Variants in UMODL1 observed in about 807,000 individuals in gnomAD.
UMODL1 encodes the protein uromodulin-like 1.
In UMODL1, 128 loss-of-function variants were observed where a neutral mutation model predicts 136.3. That is an observed-to-expected ratio of 0.94 (90% confidence interval 0.81 to 1.09). The LOEUF is 1.09. Ranked by LOEUF, UMODL1 falls within the 50% of genes least tolerant of loss-of-function variation. The probability of loss-of-function intolerance (pLI) is 0.00; values close to 1 mark genes in which losing one functional copy is unlikely to be tolerated. For synonymous variants in UMODL1, 721 were observed against 720.0 expected, an observed-to-expected ratio of 1.00 and a Z score of -0.02; for missense variants, 1,766 against 1,725.6, an observed-to-expected ratio of 1.02 and a Z score of -0.41.
rs1282751337 is a variant in UMODL1, at chr21:42,126,456, C to A, written c.3259C>A (p.Leu1087Met). Residue 1087 changes from leucine (L) to methionine (M), a missense_variant, in exon 18 of 23, where the codon CTG (leucine) becomes ATG (methionine). Leu to Met is a conservative substitution (Grantham distance 15). Coordinates refer to ENST00000408910, the MANE Select transcript of UMODL1 (RefSeq NM_001004416.3). Reference protein sequence around the residue: ...SPIYCAFQNDLLTSSGFTLEW... With the variant: ...SPIYCAFQNDMLTSSGFTLEW... ...CATCTACTGCGCCTTCCAGAATGACCTGCTGACATCCTCCGGCTTCACCCT... is the reference window on the plus strand; with the variant it reads ...CATCTACTGCGCCTTCCAGAATGACATGCTGACATCCTCCGGCTTCACCCT... 2.5e-6 allele frequency: 4 copies of A among 1,614,142 alleles called. No homozygotes were observed. The highest frequency in any genetic ancestry group is 3.4e-6 in the Non-Finnish European group (4 of 1,180,054).
chr21:42,073,342 C>A (rs1476653802), intron 1 of UMODL1, among the ~76,000 whole-genome samples: 1 of 152,234 alleles, frequency 6.6e-6, no homozygotes, highest in Non-Finnish European at 1.5e-5. Context: ...AGCCAAGCTG[C>A]CCTGGTCCCG....
chr21:42,107,345 C>T lies in UMODL1; in HGVS notation c.1520-2217C>T, dbSNP rs190044155. 6.6e-5 allele frequency among the ~76,000 whole-genome samples: 10 copies of T among 152,332 alleles called. No homozygotes were observed. The East Asian group carries it at 1.2e-3, about 18-fold the overall frequency. ...TCTTCTGGGGCTCTGGAATCAACGC[C>T]GCTTTTCCTGGGGCCAGAGTAGGTG... is the stretch of plus-strand genomic sequence containing the variant. On this transcript the variant is annotated intron_variant, in intron 9 of 22. Transcript: ENST00000408910.
chr21:42,126,001 T>C (rs997395140), intron 17 of UMODL1, among the ~76,000 whole-genome samples: 1 of 152,194 alleles, frequency 6.6e-6, no homozygotes, highest in Non-Finnish European at 1.5e-5. Context: ...AAAAGGGAAT[T>C]TGTCTCTGAT....
intron 22 of UMODL1, among the ~76,000 whole-genome samples, chr21:42,137,965 G>A (rs1241449359): frequency 6.6e-6 from 1 of 152,066 alleles, no homozygotes; most frequent in African/African-American, 2.4e-5. Context: ...GCAACCAGGA[G>A]CAGGCAGAGA....
At chr21:42,065,756 T>A (rs2066178217) in intron 1 of UMODL1, among the ~76,000 whole-genome samples, 1 of 152,080 alleles carries the variant, frequency 6.6e-6, no homozygotes, top group Non-Finnish European at 1.5e-5. Flanking sequence ...AGGGCCTCGA[T>A]CTGCTGACCT....
chr21:42,126,955 C>G, intron 18 of UMODL1, 51 bp from the exon 19 acceptor site: 2 of 1,464,870 alleles, frequency 1.4e-6, no homozygotes, highest in Non-Finnish European at 1.9e-6. Flanking sequence ...GGAGGGGCCA[C>G]GATAATGCGC....
chr21:42,099,591 G>A lies in UMODL1; in HGVS notation c.1186+411G>A, dbSNP rs1325281872. On this transcript the variant is annotated intron_variant, in intron 7 of 22. Transcript: ENST00000408910. This position sits in a 1 kb window ranked among gnomAD's most constrained non-coding sequence, Gnocchi z 4.1. Reference sequence around the variant, plus strand: ...CTGAGGCCGTCTAAGTTCCCTCCCCGAGAGGGGAGCATCGCTGACGTTTTC... The same window carrying A: ...CTGAGGCCGTCTAAGTTCCCTCCCCAAGAGGGGAGCATCGCTGACGTTTTC... Among the ~76,000 whole-genome samples, 2 of 152,182 alleles carry A rather than the reference G, an allele frequency of 1.3e-5. No individual in the cohort carries two copies. The highest frequency in any genetic ancestry group is 6.5e-5 in the Admixed American group (1 of 15,284).
intron 9 of UMODL1, among the ~76,000 whole-genome samples, chr21:42,106,099 G>A (rs2066712590): frequency 1.3e-5 from 2 of 151,754 alleles, no homozygotes; most frequent in Non-Finnish European, 2.9e-5. Flanking sequence ...TGATGGTGAC[G>A]CCTCAGGCCG....
intron 22 of UMODL1, among the ~76,000 whole-genome samples, chr21:42,138,507 G>A (rs560004018): frequency 8.5e-5 from 13 of 152,202 alleles, no homozygotes; most frequent in African/African-American, 3.1e-4. Context: ...CAAGCATTAT[G>A]GAGGGCAGTA....
chr21:42,120,346 C>A (rs888462418), intron 15 of UMODL1, among the ~76,000 whole-genome samples: 4 of 152,220 alleles, frequency 2.6e-5, no homozygotes, highest in Non-Finnish European at 5.9e-5. Flanking sequence ...CGACTTTGTC[C>A]TAAGGAATTT....
intron 6 of UMODL1, among the ~76,000 whole-genome samples, chr21:42,097,607 C>T (rs1306155254): frequency 2.0e-5 from 3 of 152,110 alleles, no homozygotes; most frequent in African/African-American, 7.2e-5. Context: ...TATATCCTAC[C>T]AGTCCTTACA....
At chr21:42,101,297 G>C (rs146508674) in intron 7 of UMODL1, among the ~76,000 whole-genome samples, 20 of 152,144 alleles carry the variant, frequency 1.3e-4, no homozygotes, top group African/African-American at 4.8e-4. Flanking sequence ...GATACGTCGG[G>C]GCCTGAGAAT....
At chr21:42,092,644 T>C (rs544626701) in intron 6 of UMODL1, among the ~76,000 whole-genome samples, 2 of 152,378 alleles carry the variant, frequency 1.3e-5, no homozygotes, top group Admixed American at 6.5e-5. Flanking sequence ...AATCTCTTTA[T>C]ATCCAATTTG....
chr21:42,139,783 C>T (rs1314635307), intron 22 of UMODL1, among the ~76,000 whole-genome samples: 1 of 152,148 alleles, frequency 6.6e-6, no homozygotes, highest in Non-Finnish European at 1.5e-5. Context: ...GGTGACTGGT[C>T]TCTAGCACTG....
chr21:42,121,407 T>C (rs897626838), intron 16 of UMODL1, among the ~76,000 whole-genome samples, 183 bp downstream of exon 16: 1 of 152,114 alleles, frequency 6.6e-6, no homozygotes, highest in Non-Finnish European at 1.5e-5. Context: ...TACATGTGTG[T>C]ACGTGTGTGC....
At chr21:42,125,464 C>T (rs1339016526) in intron 17 of UMODL1, among the ~76,000 whole-genome samples, 1 of 152,202 alleles carries the variant, frequency 6.6e-6, no homozygotes, top group Non-Finnish European at 1.5e-5. Flanking sequence ...GGGGGCTCTT[C>T]AGATCCTCCC....
chr21:42,070,483 C>T (rs1357829947), upstream of UMODL1, among the ~76,000 whole-genome samples: 1 of 152,208 alleles, frequency 6.6e-6, no homozygotes, highest in East Asian at 1.9e-4. Flanking sequence ...TGTTTTCTTC[C>T]TGTCCCAGGG....
intron 6 of UMODL1, among the ~76,000 whole-genome samples, chr21:42,098,168 G>C (rs916094010): frequency 7.2e-6 from 1 of 138,780 alleles, no homozygotes; most frequent in Non-Finnish European, 1.6e-5. Flanking sequence ...ACTGTATACG[G>C]GTCCCCAGAG....
intron 9 of UMODL1, among the ~76,000 whole-genome samples, chr21:42,109,136 C>T (rs912267373): frequency 1.3e-5 from 2 of 150,838 alleles, no homozygotes; most frequent in Non-Finnish European, 2.9e-5. Flanking sequence ...CCCCACCCCC[C>T]ATGCGGAAAG....
Sources: gnomAD v4.1 joint callset for allele counts (sites outside exome capture counted in the v4.1 genomes callset) on GRCh38, gnomAD v4.1.1 for gene constraint, Gnocchi (gnomAD v3.1) non-coding constraint, MANE v1.5 for transcripts, NCBI Gene and HGNC (gene_info 2026-07-23, HGNC 2026-07-21) for gene names.